UNC13C: variants seen among roughly 807,000 people sequenced by gnomAD.
UNC13C encodes the protein protein unc-13 homolog C.
UNC13C carries 174 observed loss-of-function variants against 245.4 expected under a neutral mutation model. The observed-to-expected ratio is 0.71, with a 90% CI of 0.63 to 0.80. The LOEUF (loss-of-function observed/expected upper bound fraction) is 0.80. UNC13C is among the 30% of genes least tolerant of loss of function. UNC13C has a pLI of 0.00. For synonymous variants in UNC13C, 992 were observed against 895.1 expected (o/e 1.11, Z -1.93); for missense variants, 2,829 against 2,602.9 (o/e 1.09, Z -1.89).
intron 2 of UNC13C, among the ~76,000 whole-genome samples, chr15:54,076,677 A>C (rs544721741): frequency 1.1e-4 from 16 of 152,284 alleles, no homozygotes; most frequent in Admixed American, 6.5e-4. Flanking sequence ...TGGTTTCTGC[A>C]TAAGAAAACT....
At position 54,015,808 on chromosome 15, in the gene UNC13C, C is replaced by T. The variant is rs191961732; in HGVS notation, c.2905C>T (p.Arg969Cys). Residue 969 changes from arginine to cysteine, a missense_variant, in exon 2 of 33, where the codon CGT becomes TGT. Transcript: ENST00000260323. ...GGAGATCACAAAGCCAAAGAGAATTCGTCCTTCTTTCAAAGAAGCAGCTTT... is the reference window on the plus strand; with the variant it reads ...GGAGATCACAAAGCCAAAGAGAATTTGTCCTTCTTTCAAAGAAGCAGCTTT... Reference protein sequence around the residue: ...PVEITKPKRIRPSFKEAALRA... With the variant: ...PVEITKPKRICPSFKEAALRA... 1.4e-4 allele frequency: 226 copies of T among 1,611,306 alleles called. No homozygotes were observed. The highest frequency in any genetic ancestry group is 4.8e-4 in the African/African-American group (36 of 74,938).
At chr15:53,967,475 T>C in the UNC13C span, among the ~76,000 whole-genome samples, 4 of 152,160 alleles carry the variant, frequency 2.6e-5, no homozygotes, top group Non-Finnish European at 5.9e-5. Flanking sequence ...ACATTCCTTA[T>C]TGCTTTCTTC....
chr15:54,514,649 C>T (rs1208739718), intron 24 of UNC13C, among the ~76,000 whole-genome samples: 1 of 152,202 alleles, frequency 6.6e-6, no homozygotes, highest in Non-Finnish European at 1.5e-5. Context: ...CTGCGTGCTA[C>T]TGCAGCTCCC....
intron 30 of UNC13C, among the ~76,000 whole-genome samples, chr15:54,570,661 T>G (rs2141221421): frequency 6.6e-6 from 1 of 152,304 alleles, no homozygotes; most frequent in African/African-American, 2.4e-5. Context: ...AGTAATAAAG[T>G]TAGCCAACAA....
the UNC13C span, among the ~76,000 whole-genome samples, chr15:53,902,861 T>C: frequency 0.033 from 4,954 of 152,018 alleles, 288 homozygotes; most frequent in African/African-American, 0.11. Context: ...TAATACAAGG[T>C]ATGAAGGCAG....
At chr15:53,890,140 C>CTTTTTT in the UNC13C span, among the ~76,000 whole-genome samples, 1 of 145,244 alleles carries the variant, frequency 6.9e-6, no homozygotes, top group Non-Finnish European at 1.5e-5. Flanking sequence ...ACCAGCGCCT[C>CTTTTTT]TTTTTTTTTT....
intron 4 of UNC13C, among the ~76,000 whole-genome samples, chr15:54,233,354 A>G (rs529165245): frequency 1.3e-4 from 19 of 151,876 alleles, no homozygotes; most frequent in Non-Finnish European, 1.6e-4. Context: ...CACGTATTCT[A>G]TTTCTTTATG....
At chr15:54,006,009 G>A (rs907007398) in intron 1 of UNC13C, among the ~76,000 whole-genome samples, 1 of 152,150 alleles carries the variant, frequency 6.6e-6, no homozygotes, top group Non-Finnish European at 1.5e-5. Flanking sequence ...AAAATAAGGA[G>A]AATGTAAATT....
At chr15:53,960,322 T>G in the UNC13C span, among the ~76,000 whole-genome samples, 2 of 150,522 alleles carry the variant, frequency 1.3e-5, no homozygotes, top group Non-Finnish European at 3.0e-5. Context: ...CTTATGTATA[T>G]AATCTATATC....
At chr15:54,303,493 A>C (rs1476974915) in intron 13 of UNC13C, among the ~76,000 whole-genome samples, 2 of 152,164 alleles carry the variant, frequency 1.3e-5, no homozygotes, top group Non-Finnish European at 2.9e-5. Context: ...AAACACAGTC[A>C]TGTTAATATA....
At chr15:54,415,154 A>C in intron 19 of UNC13C, 87 bp downstream of exon 19, 1 of 919,748 alleles carries the variant, frequency 1.1e-6, no homozygotes, top group Non-Finnish European at 1.6e-6. Flanking sequence ...TGAGAATTGA[A>C]ACATTAAAAC....
chr15:54,012,800 T>C lies in UNC13C; in HGVS notation c.-104T>C. On this transcript the variant is annotated 5_prime_UTR_variant, in exon 2 of 33. Transcript: ENST00000260323. Reference sequence around the variant, plus strand: ...CTGCCCTTCCTGCTCTTTCCAGTGATTCACAGAACTTCTGAACAGTGATGC... The same window carrying C: ...CTGCCCTTCCTGCTCTTTCCAGTGACTCACAGAACTTCTGAACAGTGATGC... 1 of 898,862 alleles carries C rather than the reference T, an allele frequency of 1.1e-6. No homozygotes were observed. The highest frequency in any genetic ancestry group is 1.7e-5 in the South Asian group (1 of 57,564). 55.7% of individuals were successfully genotyped at this position (898,862 alleles called of 1,614,324 possible). A position where few individuals can be genotyped will look rare whatever the true frequency, so the allele number is the denominator to read the frequency against.
At chr15:54,281,555 T>C (rs543821599) in intron 10 of UNC13C, among the ~76,000 whole-genome samples, 1 of 152,334 alleles carries the variant, frequency 6.6e-6, no homozygotes, top group South Asian at 2.1e-4. Context: ...TATAGTTTTC[T>C]GGTAATTTAC....
At chr15:54,357,752 G>C (rs2039129413) in intron 17 of UNC13C, among the ~76,000 whole-genome samples, 2 of 151,994 alleles carry the variant, frequency 1.3e-5, no homozygotes, top group African/African-American at 4.8e-5. Context: ...CAACCTTTCA[G>C]TAAACTGTTC....
intron 17 of UNC13C, 68 bp from the exon 18 acceptor site, chr15:54,392,980 C>T: frequency 7.2e-7 from 1 of 1,398,476 alleles, no homozygotes; most frequent in Non-Finnish European, 9.4e-7. Flanking sequence ...TTCTATTTGA[C>T]AGTGACATCT....
chr15:54,299,052 AT>A (rs1257104192), intron 12 of UNC13C, among the ~76,000 whole-genome samples: 1 of 152,134 alleles, frequency 6.6e-6, no homozygotes, highest in Non-Finnish European at 1.5e-5. Context: ...GGTTAGTGAT[AT>A]TATTCCCTCA....
At chr15:54,555,073 C>T (rs1419065128) in intron 28 of UNC13C, among the ~76,000 whole-genome samples, 2 of 151,968 alleles carry the variant, frequency 1.3e-5, no homozygotes, top group African/African-American at 2.4e-5. Flanking sequence ...CTCCTTAAAT[C>T]CTTTTCATGA....
At chr15:54,612,900 G>C (rs915506781) in intron 30 of UNC13C, among the ~76,000 whole-genome samples, 3 of 151,828 alleles carry the variant, frequency 2.0e-5, no homozygotes, top group East Asian at 3.9e-4. Context: ...TTGGTCAAAG[G>C]CTTGCATTTT....
At chr15:54,625,839 G>T (rs1452134714) in intron 32 of UNC13C, among the ~76,000 whole-genome samples, 1 of 152,070 alleles carries the variant, frequency 6.6e-6, no homozygotes, top group African/African-American at 2.4e-5. Flanking sequence ...AAAGTTTCTT[G>T]TTAGATATAA....
Sources: allele counts gnomAD v4.1 joint callset (sites outside exome capture counted in the v4.1 genomes callset), GRCh38; gene constraint gnomAD v4.1.1; transcripts MANE v1.5; gene names NCBI Gene and HGNC (gene_info 2026-07-23, HGNC 2026-07-21).